The following SORBS2 variants were observed in gnomAD, a reference collection of about 807,000 sequenced individuals.
SORBS2 encodes the protein sorbin and SH3 domain containing 2, also known as sorbin and SH3 domain-containing protein 2.
A neutral mutation model predicts 97.7 loss-of-function variants in SORBS2; 46 were observed. The ratio of observed to expected loss-of-function variants is 0.47; its 90% confidence interval spans 0.37 to 0.60. The LOEUF is 0.60. Among genes scored for constraint, SORBS2 ranks in the 20% least tolerant of loss-of-function variants. The pLI, the probability that SORBS2 is intolerant of heterozygous loss-of-function variation, is 0.00. For synonymous variants in SORBS2, 476 were observed against 473.4 expected (o/e 1.01, Z -0.07); for missense variants, 1,316 against 1,282.3 (o/e 1.03, Z -0.40).
chr4:185,932,332 C>T (rs1021341238), intron 1 of SORBS2, among the ~76,000 whole-genome samples: 1 of 151,428 alleles, frequency 6.6e-6, no homozygotes, highest in African/African-American at 2.4e-5. Context: ...GGTGTTAAGT[C>T]AACTTTTAAT....
At chr4:185,635,323 T>C in intron 4 of SORBS2, 32 bp downstream of exon 16, 1 of 1,487,722 alleles carries the variant, frequency 6.7e-7, no homozygotes, top group Middle Eastern at 1.7e-4. Context: ...CTAAGGGAGA[T>C]ATCTGAAAAA....
At chr4:185,838,402 C>A (rs564072659) in intron 1 of SORBS2, among the ~76,000 whole-genome samples, 1 of 152,224 alleles carries the variant, frequency 6.6e-6, no homozygotes, top group Non-Finnish European at 1.5e-5. Flanking sequence ...AATTCTCCAC[C>A]CTCCTCAACT....
At chr4:185,642,095 T>C (rs2097136385) in intron 4 of SORBS2, among the ~76,000 whole-genome samples, 1 of 152,166 alleles carries the variant, frequency 6.6e-6, no homozygotes, top group Non-Finnish European at 1.5e-5. Flanking sequence ...CTACCGTGTT[T>C]TATATTTATT....
chr4:185,733,011 T>A (rs946667743), intron 2 of SORBS2, among the ~76,000 whole-genome samples: 1 of 152,178 alleles, frequency 6.6e-6, no homozygotes, highest in Admixed American at 6.5e-5. Context: ...GAGGAAGGAT[T>A]CGCTGCTGGA....
chr4:185,938,401 C>CACA (rs1042808142), intron 1 of SORBS2, among the ~76,000 whole-genome samples: 211 of 150,770 alleles, frequency 1.4e-3, no homozygotes, highest in East Asian at 8.8e-3. Context: ...CACACACACA[C>CACA]ACACACACAC....
intron 1 of SORBS2, among the ~76,000 whole-genome samples, chr4:185,903,574 C>A (rs956360613): frequency 1.3e-5 from 2 of 152,084 alleles, no homozygotes; most frequent in Non-Finnish European, 2.9e-5. Context: ...GTCTAGCTCT[C>A]CCCCCTGCCA....
At chr4:185,865,110 G>A (rs1211375589) in intron 1 of SORBS2, among the ~76,000 whole-genome samples, 2 of 152,038 alleles carry the variant, frequency 1.3e-5, no homozygotes, top group South Asian at 4.2e-4. Flanking sequence ...ACATTACCAT[G>A]GGCATCTTTC....
At chr4:185,850,576 A>G (rs1241733005) in intron 1 of SORBS2, among the ~76,000 whole-genome samples, 1 of 152,200 alleles carries the variant, frequency 6.6e-6, no homozygotes, top group Non-Finnish European at 1.5e-5. Flanking sequence ...TTAAAAACCC[A>G]TCTTCTCTTC....
chr4:185,817,629 T>C (rs2099194072), intron 1 of SORBS2, among the ~76,000 whole-genome samples: 1 of 152,228 alleles, frequency 6.6e-6, no homozygotes, highest in Non-Finnish European at 1.5e-5. Flanking sequence ...CACTGGGCTC[T>C]GCCGTCACGG....
intron 4 of SORBS2, among the ~76,000 whole-genome samples, chr4:185,641,232 C>T (rs1273495822): frequency 1.3e-5 from 2 of 151,146 alleles, no homozygotes; most frequent in African/African-American, 2.4e-5. Flanking sequence ...TTTAAATAGT[C>T]AATTTATAGT....
At chr4:185,811,471 A>G (rs374484455) in intron 1 of SORBS2, among the ~76,000 whole-genome samples, 193 bp downstream of exon 1, 1 of 152,202 alleles carries the variant, frequency 6.6e-6, no homozygotes, top group East Asian at 1.9e-4. Context: ...TCCAATTGCT[A>G]GAACCAAAAT....
At chr4:185,709,566 A>C (rs1445045584) in intron 2 of SORBS2, among the ~76,000 whole-genome samples, 1 of 152,148 alleles carries the variant, frequency 6.6e-6, no homozygotes, top group African/African-American at 2.4e-5. Context: ...CTACCCCTAC[A>C]TTTAAAACAA....
Position 185,607,197 on chromosome 4 carries a change from C to A in SORBS2, c.2796+4583G>T. On this transcript the variant is annotated intron_variant, in intron 12 of 14. Transcript: ENST00000418609. This position sits in a 1 kb window ranked among gnomAD's most constrained non-coding sequence, Gnocchi z 5.2. Reference sequence around the variant, plus strand: ...TCTCCAATTCACCCAAGAAGTTGTCCAGGAAACGAGGTGGTGTTGGGGCCA... The same window carrying A: ...TCTCCAATTCACCCAAGAAGTTGTCAAGGAAACGAGGTGGTGTTGGGGCCA... 1 of 1,135,446 alleles carries A rather than the reference C, an allele frequency of 8.8e-7. No homozygotes were observed. The allele number at this position is 1,135,446 out of a possible 1,614,324, so 70.3% of individuals were successfully genotyped here.
At chr4:185,801,686 CTCTCTG>C (rs770913933) in intron 1 of SORBS2, among the ~76,000 whole-genome samples, 6 of 150,400 alleles carry the variant, frequency 4.0e-5, no homozygotes, top group African/African-American at 1.2e-4. Context: ...CTCTCTCTCT[CTCTCTG>C]TGTGTGATGC....
intron 1 of SORBS2, among the ~76,000 whole-genome samples, chr4:185,870,389 C>T (rs906612385): frequency 6.6e-6 from 1 of 152,192 alleles, no homozygotes; most frequent in African/African-American, 2.4e-5. Flanking sequence ...TTTCATGACC[C>T]AATGCGGGCA....
intron 4 of SORBS2, chr4:185,665,834 C>T (rs1451878203): frequency 8.7e-7 from 1 of 1,149,750 alleles, no homozygotes; most frequent in African/African-American, 1.6e-5. Flanking sequence ...GTGTCAGAGT[C>T]ACCAATCTGC....
At chr4:185,593,617 G>T (rs2096011106) in intron 13 of SORBS2, 4 of 431,258 alleles carry the variant, frequency 9.3e-6, no homozygotes, top group African/African-American at 6.1e-5. Flanking sequence ...GGGAGACAGA[G>T]TTATCCATCT....
chr4:185,886,552 C>T (rs2099239633), intron 1 of SORBS2, among the ~76,000 whole-genome samples: 1 of 39,138 alleles, frequency 2.6e-5, no homozygotes, highest in Non-Finnish European at 5.0e-5. Context: ...AAGACTCTGT[C>T]TCAAAAAAAA....
chr4:185,733,418 G>A (rs777221768), intron 2 of SORBS2, among the ~76,000 whole-genome samples: 10 of 152,200 alleles, frequency 6.6e-5, no homozygotes, highest in African/African-American at 1.2e-4. Context: ...CACTGGCCCC[G>A]AAACAGCGAA....
Sources: gnomAD v4.1 joint callset for allele counts (sites outside exome capture counted in the v4.1 genomes callset) on GRCh38, gnomAD v4.1.1 for gene constraint, Gnocchi (gnomAD v3.1) non-coding constraint, MANE v1.5 for transcripts, NCBI Gene and HGNC (gene_info 2026-07-23, HGNC 2026-07-21) for gene names.